The following TMEM117 variants were observed in gnomAD, a reference collection of about 807,000 sequenced individuals.
The protein encoded by TMEM117 is transmembrane protein 117.
Under a neutral mutation model 52.4 loss-of-function variants are expected in TMEM117, and 27 were observed. That is an observed-to-expected ratio of 0.51 (90% CI 0.38 to 0.71). The LOEUF (loss-of-function observed/expected upper bound fraction) is 0.71. Ranked by LOEUF, TMEM117 falls within the 30% of genes least tolerant of loss-of-function variation. TMEM117 has a pLI of 0.00. For missense variants in TMEM117, 556 were observed against 630.5 expected, an observed-to-expected ratio of 0.88 and a Z score of 1.26; for synonymous variants, 215 against 206.3, an observed-to-expected ratio of 1.04 and a Z score of -0.36.
At chr12:44,277,730 T>G (rs1031824949) in intron 5 of TMEM117, among the ~76,000 whole-genome samples, 9 of 150,248 alleles carry the variant, frequency 6.0e-5, no homozygotes, top group Non-Finnish European at 8.9e-5. Flanking sequence ...CCATGCTGCA[T>G]CTACTGCCAC....
Position 44,192,384 on chromosome 12 carries a change from G to A in TMEM117, c.511-18906G>A, listed in dbSNP as rs943238400. ...CCATTTTCCAAATGCTAGTATAAGC[G>A]AAGGGAGAAGACCAAATAAAATGGA... On this transcript the variant is annotated intron_variant, in intron 4 of 7. Transcript: ENST00000266534. Among the ~76,000 whole-genome samples the A allele has an allele frequency of 6.3e-4, 96 of 152,266 alleles. 1 individual carries two copies. Among genetic ancestry groups the A allele is most frequent in the African/African-American group, 2.2e-3 (91 of 41,552 alleles).
intron 1 of TMEM117, among the ~76,000 whole-genome samples, chr12:43,841,550 G>A (rs1039095602): frequency 2.0e-5 from 3 of 152,122 alleles, no homozygotes; most frequent in African/African-American, 7.2e-5. Flanking sequence ...TTTTTTGAAT[G>A]TTCTAATTTA....
At chr12:44,323,561 T>C (rs1398614038) in intron 6 of TMEM117, among the ~76,000 whole-genome samples, 1 of 152,196 alleles carries the variant, frequency 6.6e-6, no homozygotes, top group African/African-American at 2.4e-5. Flanking sequence ...TTTGACCATG[T>C]AGTATCACTT....
At chr12:44,026,691 T>G (rs1296886058) in intron 3 of TMEM117, among the ~76,000 whole-genome samples, 1 of 152,226 alleles carries the variant, frequency 6.6e-6, no homozygotes, top group African/African-American at 2.4e-5. Flanking sequence ...TTTAATCATT[T>G]TGTTAATCTT....
intron 3 of TMEM117, among the ~76,000 whole-genome samples, chr12:43,965,187 T>G (rs1223291252): frequency 6.6e-6 from 1 of 152,134 alleles, no homozygotes; most frequent in Non-Finnish European, 1.5e-5. Context: ...TCTGGGTAAG[T>G]TAGGAGTTTG....
intron 2 of TMEM117, among the ~76,000 whole-genome samples, chr12:43,894,641 G>A (rs183954308): frequency 2.7e-4 from 41 of 151,908 alleles, no homozygotes; most frequent in African/African-American, 9.7e-4. Flanking sequence ...CCTAGAATTC[G>A]TGGTATTTGG....
chr12:43,973,767 A>T (rs922955167), intron 3 of TMEM117, among the ~76,000 whole-genome samples: 8 of 152,210 alleles, frequency 5.3e-5, no homozygotes, highest in Admixed American at 6.5e-5. Flanking sequence ...CAGATGTTAT[A>T]ATTCTTTCTG....
chr12:44,255,775 A>G (rs563490606), intron 5 of TMEM117, among the ~76,000 whole-genome samples: 1 of 152,204 alleles, frequency 6.6e-6, no homozygotes, highest in African/African-American at 2.4e-5. Flanking sequence ...CAACCACTGC[A>G]TTACTGGAGG....
intron 6 of TMEM117, among the ~76,000 whole-genome samples, chr12:44,366,528 C>T (rs1268562823): frequency 6.6e-6 from 1 of 151,962 alleles, no homozygotes; most frequent in African/African-American, 2.4e-5. Context: ...TCTTGTTTTC[C>T]TAGTCTTTCC....
At chr12:44,208,680 C>T (rs1949603431) in intron 4 of TMEM117, among the ~76,000 whole-genome samples, 1 of 146,578 alleles carries the variant, frequency 6.8e-6, no homozygotes, top group Non-Finnish European at 1.5e-5. Flanking sequence ...ATAAAGAGTT[C>T]GAGCTGGAGG....
chr12:44,167,646 G>A (rs1422236535), intron 4 of TMEM117, among the ~76,000 whole-genome samples: 3 of 152,012 alleles, frequency 2.0e-5, no homozygotes, highest in Admixed American at 6.6e-5. Flanking sequence ...CAGCTTGGGC[G>A]ACAGGGCGAG....
chr12:43,965,997 G>A (rs1945479427), intron 3 of TMEM117, among the ~76,000 whole-genome samples: 1 of 152,178 alleles, frequency 6.6e-6, no homozygotes, highest in Admixed American at 6.5e-5. Context: ...GTGAGGACAA[G>A]TGGTATTTGG....
intron 6 of TMEM117, among the ~76,000 whole-genome samples, chr12:44,366,020 CTTTA>C (rs2138821786): frequency 6.6e-6 from 1 of 152,024 alleles, no homozygotes; most frequent in Admixed American, 6.6e-5. Context: ...TAATTTGATT[CTTTA>C]TTTATCAATG....
chr12:44,107,827 CA>C (rs1283866894), intron 3 of TMEM117, among the ~76,000 whole-genome samples: 1 of 152,074 alleles, frequency 6.6e-6, no homozygotes, highest in Middle Eastern at 3.2e-3. Flanking sequence ...ATTATATCCA[CA>C]AAACTTTTTG....
the TMEM117 span, chr12:43,798,626 A>T: frequency 1.3e-6 from 2 of 1,503,290 alleles, no homozygotes; most frequent in African/African-American, 2.8e-5. Context: ...ACTCGTAAAA[A>T]AAAAAAAAAA....
chr12:44,363,318 T>C (rs1446418311), intron 6 of TMEM117, among the ~76,000 whole-genome samples: 2 of 152,192 alleles, frequency 1.3e-5, no homozygotes, highest in East Asian at 3.9e-4. Context: ...GTACAGAATC[T>C]ACTACATGTG....
intron 2 of TMEM117, among the ~76,000 whole-genome samples, chr12:43,917,257 G>A (rs547199936): frequency 2.6e-4 from 39 of 149,828 alleles, no homozygotes; most frequent in Non-Finnish European, 4.0e-4. Flanking sequence ...AAAAAAAGGC[G>A]TGCTGTGGTG....
At chr12:44,240,442 T>A (rs1435233672) in intron 5 of TMEM117, among the ~76,000 whole-genome samples, 2 of 152,062 alleles carry the variant, frequency 1.3e-5, no homozygotes, top group African/African-American at 4.8e-5. Context: ...TATTGAATAA[T>A]CAAGTGTTCT....
chr12:44,247,498 A>C (rs1454461548), intron 5 of TMEM117, among the ~76,000 whole-genome samples: 5 of 152,228 alleles, frequency 3.3e-5, no homozygotes, highest in Non-Finnish European at 7.3e-5. Flanking sequence ...ATTTCAGTGC[A>C]TTTATACATC....
Sources: gnomAD v4.1 joint callset for allele counts (sites outside exome capture counted in the v4.1 genomes callset) on GRCh38, gnomAD v4.1.1 for gene constraint, MANE v1.5 for transcripts, NCBI Gene and HGNC (gene_info 2026-07-23, HGNC 2026-07-21) for gene names.